Variants in POFUT3 observed in about 807,000 individuals in gnomAD.
The protein encoded by POFUT3 is protein O-fucosyltransferase 3.
the POFUT3 span, among the ~76,000 whole-genome samples, chr8:33,428,142 C>T: frequency 0.011 from 1,738 of 152,022 alleles, 17 homozygotes; most frequent in Non-Finnish European, 0.018. Context: ...AAAAAAATGA[C>T]CTCTAACTTC....
the POFUT3 span, among the ~76,000 whole-genome samples, chr8:33,431,547 C>CAAAAAAAAAAAAAAAA: frequency 4.6e-4 from 16 of 35,080 alleles, 5 homozygotes; most frequent in South Asian, 4.0e-3. Flanking sequence ...GACCCTGTCT[C>CAAAAAAAAAAAAAAAA]AAAAAAAAAA....
At chr8:33,356,117 A>T in the POFUT3 span, among the ~76,000 whole-genome samples, 3 of 152,014 alleles carry the variant, frequency 2.0e-5, no homozygotes, top group African/African-American at 2.4e-5. Context: ...TTGTGAATAG[A>T]GCCGCAATAA....
At chr8:33,312,065 C>G in the POFUT3 span, among the ~76,000 whole-genome samples, 4 of 152,026 alleles carry the variant, frequency 2.6e-5, no homozygotes, top group African/African-American at 4.8e-5. Flanking sequence ...AGTTCGAGAC[C>G]AGCCTGGCCA....
chr8:33,436,272 A>T, the POFUT3 span: 1 of 1,360,444 alleles, frequency 7.4e-7, no homozygotes, highest in South Asian at 1.2e-5. Context: ...ATTTCAGCCC[A>T]CACACATCCC....
At chr8:33,398,119 C>T in the POFUT3 span, among the ~76,000 whole-genome samples, 1 of 152,160 alleles carries the variant, frequency 6.6e-6, no homozygotes, top group Non-Finnish European at 1.5e-5. Flanking sequence ...TTATTTCTGA[C>T]TGGTCAAAGA....
chr8:33,459,122 C>T, the POFUT3 span, among the ~76,000 whole-genome samples: 1 of 152,046 alleles, frequency 6.6e-6, no homozygotes, highest in African/African-American at 2.4e-5. Flanking sequence ...GGTGGATCAC[C>T]TGAGGTCAGG....
chr8:33,380,150 CTAT>C, the POFUT3 span, among the ~76,000 whole-genome samples: 1 of 44,746 alleles, frequency 2.2e-5, no homozygotes, highest in Non-Finnish European at 3.3e-5. Flanking sequence ...TATATATACA[CTAT>C]ATATATATAC....
At chr8:33,438,896 A>G in the POFUT3 span, among the ~76,000 whole-genome samples, 2 of 152,172 alleles carry the variant, frequency 1.3e-5, no homozygotes, top group East Asian at 1.9e-4. Flanking sequence ...AACCGCTCCT[A>G]TGACTCAATT....
At chr8:33,420,226 A>G in the POFUT3 span, among the ~76,000 whole-genome samples, 1 of 152,348 alleles carries the variant, frequency 6.6e-6, no homozygotes, top group South Asian at 2.1e-4. Context: ...AAAATTAATG[A>G]TAAGTAATTA....
At chr8:33,318,138 G>A in the POFUT3 span, among the ~76,000 whole-genome samples, 5 of 151,946 alleles carry the variant, frequency 3.3e-5, no homozygotes, top group Admixed American at 6.6e-5. Context: ...CAGCTTCTAC[G>A]TCTCTGTATC....
At chr8:33,372,335 G>A in the POFUT3 span, 414 of 1,260,106 alleles carry the variant, frequency 3.3e-4, no homozygotes, top group Middle Eastern at 3.8e-3. Flanking sequence ...CCACAGACAC[G>A]GACATGGAAG....
the POFUT3 span, among the ~76,000 whole-genome samples, chr8:33,358,625 A>G: frequency 6.6e-6 from 1 of 152,158 alleles, no homozygotes; most frequent in Non-Finnish European, 1.5e-5. Context: ...AACCTGCAAG[A>G]TGATGGTATT....
At chr8:33,428,670 G>T in the POFUT3 span, among the ~76,000 whole-genome samples, 1 of 152,176 alleles carries the variant, frequency 6.6e-6, no homozygotes, top group Non-Finnish European at 1.5e-5. Flanking sequence ...GTGTTGGGGG[G>T]TGTGGCCTAA....
the POFUT3 span, among the ~76,000 whole-genome samples, chr8:33,427,588 G>A: frequency 2.0e-5 from 3 of 150,288 alleles, no homozygotes; most frequent in Non-Finnish European, 4.4e-5. Context: ...TCAAAAAAAA[G>A]CAAAAAATAA....
the POFUT3 span, among the ~76,000 whole-genome samples, chr8:33,430,191 AAGAC>A: frequency 0.57 from 86,867 of 151,288 alleles, 25,200 homozygotes; most frequent in Non-Finnish European, 0.59. Flanking sequence ...TTACCCTTGA[AAGAC>A]AGAGCACTGG....
chr8:33,314,276 T>G, the POFUT3 span, among the ~76,000 whole-genome samples: 3 of 152,272 alleles, frequency 2.0e-5, no homozygotes, highest in South Asian at 6.2e-4. Context: ...AAATCCACAT[T>G]CTCTTCTCAC....
At chr8:33,359,178 A>G in the POFUT3 span, among the ~76,000 whole-genome samples, 1 of 152,214 alleles carries the variant, frequency 6.6e-6, no homozygotes, top group African/African-American at 2.4e-5. Context: ...GTGGCAAGAT[A>G]TTATCAATTG....
chr8:33,421,379 A>G, the POFUT3 span, among the ~76,000 whole-genome samples: 1 of 152,250 alleles, frequency 6.6e-6, no homozygotes, highest in African/African-American at 2.4e-5. Context: ...CAAATGCCAT[A>G]TTCTCTCTTC....
chr8:33,330,734 T>C, the POFUT3 span, among the ~76,000 whole-genome samples: 1 of 152,156 alleles, frequency 6.6e-6, no homozygotes, highest in Non-Finnish European at 1.5e-5. Flanking sequence ...TGTTGTTGCC[T>C]TTGGCTCCCT....
Sources: allele counts gnomAD v4.1 joint callset (sites outside exome capture counted in the v4.1 genomes callset), GRCh38; gene constraint gnomAD v4.1.1; transcripts MANE v1.5; gene names NCBI Gene and HGNC (gene_info 2026-07-23, HGNC 2026-07-21).